CCDC178: variants seen among roughly 807,000 people sequenced by gnomAD.
The protein encoded by CCDC178 is coiled-coil domain-containing protein 178.
In CCDC178, 126 loss-of-function variants were observed where a neutral mutation model predicts 117.4. The ratio of observed to expected loss-of-function variants is 1.07; its 90% CI spans 0.93 to 1.24. CCDC178 has a LOEUF of 1.24. Ranked by LOEUF, CCDC178 falls within the 50% of genes most tolerant of loss-of-function variation. The pLI, the probability that CCDC178 is intolerant of heterozygous loss-of-function variation, is 0.00. For synonymous variants in CCDC178, 283 were observed against 313.4 expected, an observed-to-expected ratio of 0.90 and a Z score of 1.02; for missense variants, 1,030 against 986.9, an observed-to-expected ratio of 1.04 and a Z score of -0.59.
chr18:33,219,876 C>G (rs1175210010), intron 18 of CCDC178, among the ~76,000 whole-genome samples: 1 of 151,962 alleles, frequency 6.6e-6, no homozygotes, highest in Non-Finnish European at 1.5e-5. Flanking sequence ...TATACATAAA[C>G]AAACCTGCAC....
At chr18:33,383,386 A>C (rs1281675853) in intron 5 of CCDC178, among the ~76,000 whole-genome samples, 1 of 151,904 alleles carries the variant, frequency 6.6e-6, no homozygotes, top group Non-Finnish European at 1.5e-5. Context: ...TGACCCCCTC[A>C]AGTGGTTCCT....
intron 21 of CCDC178, among the ~76,000 whole-genome samples, chr18:33,012,085 C>G (rs1371458285): frequency 4.6e-5 from 7 of 152,116 alleles, no homozygotes; most frequent in African/African-American, 1.7e-4. Context: ...TCTTCTTGTT[C>G]TTCACATACC....
chr18:33,355,700 T>G (rs967448359), intron 7 of CCDC178, among the ~76,000 whole-genome samples: 1 of 152,244 alleles, frequency 6.6e-6, no homozygotes, highest in African/African-American at 2.4e-5. Context: ...AGCTGTTATC[T>G]ATAGCCTCAG....
chr18:33,192,540 A>G (rs2058871872), intron 20 of CCDC178, among the ~76,000 whole-genome samples: 1 of 152,260 alleles, frequency 6.6e-6, no homozygotes, highest in African/African-American at 2.4e-5. Context: ...CTGCCTGCAC[A>G]ATTATTACAA....
chr18:33,166,913 G>C (rs1401809260), intron 20 of CCDC178, among the ~76,000 whole-genome samples: 1 of 152,022 alleles, frequency 6.6e-6, no homozygotes, highest in East Asian at 1.9e-4. Flanking sequence ...GTAATTTTTC[G>C]ATCCTCACCC....
At chr18:32,944,943 C>T (rs1212989155) in intron 22 of CCDC178, among the ~76,000 whole-genome samples, 4 of 152,184 alleles carry the variant, frequency 2.6e-5, no homozygotes, top group African/African-American at 9.7e-5. Context: ...TCCCCAGCCA[C>T]GTGCAACTGT....
intron 21 of CCDC178, among the ~76,000 whole-genome samples, chr18:33,028,015 C>T (rs2056262423): frequency 6.6e-6 from 1 of 151,632 alleles, no homozygotes. Context: ...GCAGTTAAAA[C>T]ACTGCTGAAG....
chr18:33,423,251 C>T (rs1462282453), intron 2 of CCDC178, among the ~76,000 whole-genome samples: 1 of 152,092 alleles, frequency 6.6e-6, no homozygotes, highest in African/African-American at 2.4e-5. Flanking sequence ...GAAACTACAG[C>T]CATCAAAATC....
chr18:33,135,749 A>C (rs941078613), intron 20 of CCDC178, among the ~76,000 whole-genome samples: 3 of 152,130 alleles, frequency 2.0e-5, no homozygotes, highest in African/African-American at 7.2e-5. Flanking sequence ...TAATTTCAAC[A>C]ATTTTTGGGT....
At chr18:33,248,633 A>G (rs573288228) in intron 14 of CCDC178, among the ~76,000 whole-genome samples, 3 of 151,986 alleles carry the variant, frequency 2.0e-5, no homozygotes, top group Non-Finnish European at 4.4e-5. Context: ...TCCATGGTGT[A>G]TATGTGTCAC....
At chr18:33,197,373 C>T (rs2058942993) in intron 20 of CCDC178, among the ~76,000 whole-genome samples, 1 of 152,066 alleles carries the variant, frequency 6.6e-6, no homozygotes, top group South Asian at 2.1e-4. Flanking sequence ...GCAAGGGCAT[C>T]TGGGCACTTG....
At position 33,247,093 on chromosome 18, in the gene CCDC178, T is replaced by TGAGA. The variant is rs1555670794; in HGVS notation, c.1410-1669_1410-1666dup. 7.9e-3 allele frequency among the ~76,000 whole-genome samples: 1,164 copies of TGAGA among 148,188 alleles called. 12 individuals are homozygous for TGAGA. Among genetic ancestry groups the TGAGA allele is most frequent in the African/African-American group, 0.027 (1,076 of 39,896 alleles). On this transcript the variant is annotated intron_variant, in intron 14 of 22. Coordinates refer to ENST00000383096, the MANE Select transcript of CCDC178 (RefSeq NM_001105528.4). Reference sequence around the variant, plus strand: ...TGTGTTACGTGTGTGTGTGTGTGTGTGAGAGAGAGAGAGAGACAGAGTCAG... The same window carrying TGAGA: ...TGTGTTACGTGTGTGTGTGTGTGTGTGAGAGAGAGAGAGAGAGAGACAGAGTCAG...
At chr18:33,320,997 C>T (rs1447915381) in intron 11 of CCDC178, among the ~76,000 whole-genome samples, 1 of 152,118 alleles carries the variant, frequency 6.6e-6, no homozygotes, top group African/African-American at 2.4e-5. Context: ...GGAAAGGATT[C>T]CCTATTTAGT....
At chr18:33,113,762 G>A (rs2057814924) in intron 20 of CCDC178, among the ~76,000 whole-genome samples, 1 of 151,984 alleles carries the variant, frequency 6.6e-6, no homozygotes, top group Admixed American at 6.6e-5. Flanking sequence ...AGAGGCTATT[G>A]GACTGCATGC....
chr18:33,175,013 C>T (rs1568034443), intron 20 of CCDC178, among the ~76,000 whole-genome samples: 1 of 151,100 alleles, frequency 6.6e-6, no homozygotes, highest in South Asian at 2.1e-4. Flanking sequence ...TGCTACAACC[C>T]GGCTAATTTT....
At chr18:33,269,865 T>C (rs1034912671) in intron 12 of CCDC178, among the ~76,000 whole-genome samples, 2 of 151,750 alleles carry the variant, frequency 1.3e-5, no homozygotes, top group Non-Finnish European at 2.9e-5. Context: ...TAAGAAAGTA[T>C]AGACTATGCA....
chr18:33,411,481 A>G (rs2063852978), intron 3 of CCDC178, among the ~76,000 whole-genome samples: 1 of 152,206 alleles, frequency 6.6e-6, no homozygotes, highest in Admixed American at 6.5e-5. Context: ...TCTGTTTTAT[A>G]TCATGCAAAG....
intron 15 of CCDC178, among the ~76,000 whole-genome samples, chr18:33,242,062 A>G (rs1185403031): frequency 6.6e-6 from 1 of 151,934 alleles, no homozygotes; most frequent in African/African-American, 2.4e-5. Flanking sequence ...TGGCATAAAA[A>G]CAGTCACATA....
At chr18:33,331,020 A>C (rs2062660032) in intron 10 of CCDC178, among the ~76,000 whole-genome samples, 1 of 87,674 alleles carries the variant, frequency 1.1e-5, no homozygotes, top group South Asian at 3.6e-4. Context: ...CTTTACACAA[A>C]CATTGCTTTT....
Sources: gnomAD v4.1 joint callset for allele counts (sites outside exome capture counted in the v4.1 genomes callset) on GRCh38, gnomAD v4.1.1 for gene constraint, MANE v1.5 for transcripts, NCBI Gene and HGNC (gene_info 2026-07-23, HGNC 2026-07-21) for gene names.